IGSF9B: variants seen among roughly 807,000 people sequenced by gnomAD.
IGSF9B encodes protein turtle homolog B.
In IGSF9B, 48 loss-of-function variants were observed where a neutral mutation model predicts 143.7. The observed-to-expected ratio is 0.33, with a 90% CI of 0.26 to 0.42. The LOEUF is 0.42. Ranked by LOEUF, IGSF9B falls within the 20% of genes least tolerant of loss-of-function variation. The probability of loss-of-function intolerance (pLI) is 1.00; values close to 1 mark genes in which losing one functional copy is unlikely to be tolerated. For synonymous variants in IGSF9B, 903 were observed against 833.1 expected, an observed-to-expected ratio of 1.08 and a Z score of -1.44; for missense variants, 1,706 against 1,980.0, an observed-to-expected ratio of 0.86 and a Z score of 2.63.
At chr11:133,924,011 T>G (rs1237056951) in intron 15 of IGSF9B, among the ~76,000 whole-genome samples, 91 of 152,254 alleles carry the variant, frequency 6.0e-4, no homozygotes, top group Non-Finnish European at 1.5e-5. Context: ...AAGCAGAAAT[T>G]GCACTCCACA....
chr11:133,937,323 T>C, intron 5 of IGSF9B, 53 bp downstream of exon 5: 1 of 1,373,402 alleles, frequency 7.3e-7, no homozygotes, highest in East Asian at 2.4e-5. Context: ...TCAGCCGGGC[T>C]GGACATCCCC....
chr11:133,927,264 G>A (rs1361887625), intron 12 of IGSF9B, among the ~76,000 whole-genome samples, 173 bp from the exon 13 acceptor site: 1 of 152,268 alleles, frequency 6.6e-6, no homozygotes, highest in Non-Finnish European at 1.5e-5. Flanking sequence ...AGCTTTGGCT[G>A]TGCCAATCCT....
intron 18 of IGSF9B, among the ~76,000 whole-genome samples, chr11:133,917,529 A>G (rs1939410748): frequency 6.6e-6 from 1 of 152,096 alleles, no homozygotes; most frequent in South Asian, 2.1e-4. Context: ...ACAAGGCTAC[A>G]ACAGGGACCT....
chr11:133,919,132 G>GGGGGT, intron 18 of IGSF9B: 1 of 377,752 alleles, frequency 2.6e-6, no homozygotes, highest in South Asian at 1.8e-5. Flanking sequence ...GGGGGGGTGG[G>GGGGGT]GGACGTGTCC....
At position 133,902,663 on chromosome 11, in the gene IGSF9B, C is replaced by A. The variant is rs1204303743; in HGVS notation, c.*6406G>T. On this transcript the variant is annotated 3_prime_UTR_variant, in exon 20 of 20. Coordinates refer to ENST00000533871, the MANE Select transcript of IGSF9B (RefSeq NM_001277285.4). ...TGGGGGTTAGAGACCAGGGGGACAA[C>A]CTGGTGCCTGCAGAAGGACACATGA... Among the ~76,000 whole-genome samples, 2 of 152,130 alleles carry A rather than the reference C, an allele frequency of 1.3e-5. No homozygotes were observed. Among genetic ancestry groups the A allele is most frequent in the Non-Finnish European group, 2.9e-5 (2 of 68,028 alleles).
chr11:133,936,057 G>C lies in IGSF9B; in HGVS notation c.817C>G (p.Gln273Glu). 1 of 1,613,514 alleles carries C rather than the reference G, an allele frequency of 6.2e-7. No individual in the cohort carries two copies. Among genetic ancestry groups the C allele is most frequent in the East Asian group, 2.2e-5 (1 of 44,860 alleles). The change falls in exon 6 of 20, where the codon CAG (glutamine) becomes GAG (glutamate). Residue 273 changes from glutamine (Q) to glutamate (E), a missense_variant. Physicochemically the swap from Gln to Glu is conservative, Grantham distance 29. Coordinates refer to ENST00000533871, the MANE Select transcript of IGSF9B (RefSeq NM_001277285.4). ...WYWQDENVYF[Q>E]NDLKLRVRIL... ...AAGTCAGAGCAGGGTGCTCACTTCT[G>C]AAAGTAGACGTTCTCGTCCTGCCAG...
intron 1 of IGSF9B, among the ~76,000 whole-genome samples, chr11:133,954,895 A>T (rs1219657820): frequency 6.6e-6 from 1 of 152,232 alleles, no homozygotes; most frequent in Non-Finnish European, 1.5e-5. Flanking sequence ...CCTTCATGCC[A>T]GGCAGCCTTC....
At chr11:133,924,775 G>A in intron 15 of IGSF9B, 45 bp downstream of exon 15, 1 of 1,499,644 alleles carries the variant, frequency 6.7e-7, no homozygotes, top group South Asian at 1.1e-5. Flanking sequence ...GCAGCTCTGG[G>A]GCTTATGTCC....
intron 18 of IGSF9B, among the ~76,000 whole-genome samples, chr11:133,918,230 G>A (rs1370046956): frequency 1.0e-5 from 1 of 96,916 alleles, no homozygotes; most frequent in South Asian, 3.4e-4. Flanking sequence ...GCCCGCCCCC[G>A]CCCGCCCAGC....
chr11:133,947,256 G>T (rs1045090036), intron 1 of IGSF9B, among the ~76,000 whole-genome samples: 2 of 152,182 alleles, frequency 1.3e-5, no homozygotes, highest in African/African-American at 4.8e-5. Flanking sequence ...CTCCTCCCAC[G>T]CCAGGCTCCA....
chr11:133,919,125 G>GGGGGGGGGGGA, intron 18 of IGSF9B: 1 of 345,290 alleles, frequency 2.9e-6, no homozygotes, highest in Non-Finnish European at 5.9e-6. Context: ...ATACGGGGGG[G>GGGGGGGGGGGA]GGGTGGGGGA....
chr11:133,925,527 G>GC (rs1170143212), intron 14 of IGSF9B, among the ~76,000 whole-genome samples: 1 of 152,160 alleles, frequency 6.6e-6, no homozygotes, highest in Non-Finnish European at 1.5e-5. Flanking sequence ...GGTCCCCGCT[G>GC]CCCCAGAGCT....
chr11:133,929,539 T>C, intron 12 of IGSF9B, 132 bp downstream of exon 12: 1 of 646,918 alleles, frequency 1.5e-6, no homozygotes, highest in South Asian at 1.8e-5. Context: ...CCCACCTCAG[T>C]CTGTGCAGGG....
chr11:133,947,572 C>T (rs892459523), intron 1 of IGSF9B, among the ~76,000 whole-genome samples: 9 of 152,222 alleles, frequency 5.9e-5, no homozygotes, highest in Non-Finnish European at 8.8e-5. Context: ...TTCCCCATTC[C>T]GGTGCCTCGG....
chr11:133,920,192 CGGGGCCGGGGCT>C lies in IGSF9B; in HGVS notation c.3521_3532del (p.Gln1174_Pro1177del), dbSNP rs1939494018. 1 of 1,512,662 alleles carries C rather than the reference CGGGGCCGGGGCT, an allele frequency of 6.6e-7. No individual in the cohort carries two copies. Among genetic ancestry groups the C allele is most frequent in the Non-Finnish European group, 8.8e-7 (1 of 1,130,786 alleles). 93.7% of individuals were successfully genotyped at this position (1,512,662 alleles called of 1,614,324 possible). A position where few individuals can be genotyped will look rare whatever the true frequency, so the allele number is the denominator to read the frequency against. On this transcript the variant is annotated inframe_deletion, in exon 18 of 20. Transcript: ENST00000533871. ...GCGCCTGGCCTGCCGAGGGCTAGGC[CGGGGCCGGGGCT>C]GGGGCTCATACCACCGGGTGTCCAG... is the stretch of plus-strand genomic sequence containing the variant.
Position 133,901,872 on chromosome 11 carries a change from C to A in IGSF9B, c.*7197G>T, listed in dbSNP as rs4937852. 6.9e-6 allele frequency among the ~76,000 whole-genome samples: 1 copy of A among 144,440 alleles called. No individual in the cohort carries two copies. Among genetic ancestry groups the A allele is most frequent in the East Asian group, 2.1e-4 (1 of 4,758 alleles). The allele number at this position is 144,440 out of a possible 152,430, so 94.8% of individuals were successfully genotyped here. A position where few individuals can be genotyped will look rare whatever the true frequency, so the allele number is the denominator to read the frequency against. On this transcript the variant is annotated 3_prime_UTR_variant, in exon 20 of 20. Coordinates refer to ENST00000533871, the MANE Select transcript of IGSF9B (RefSeq NM_001277285.4). ...ACACGCACCACACACGCACCACACACGCACCACACACACACACAACACACA... is the reference window on the plus strand; with the variant it reads ...ACACGCACCACACACGCACCACACAAGCACCACACACACACACAACACACA...
At chr11:133,916,747 G>A (rs1447239847) in intron 18 of IGSF9B, among the ~76,000 whole-genome samples, 1 of 152,210 alleles carries the variant, frequency 6.6e-6, no homozygotes, top group Admixed American at 6.5e-5. Flanking sequence ...TGAGAGCAGA[G>A]TCTAGGAATT....
chr11:133,922,736 G>T lies in IGSF9B; in HGVS notation c.2120-6C>A. The T allele has an allele frequency of 6.4e-7, 1 of 1,553,798 alleles. No individual in the cohort carries two copies. On this transcript the variant is annotated splice_region_variant and splice_polypyrimidine_tract_variant and intron_variant, in intron 15 of 19. Transcript: ENST00000533871. ...GTCCGGCTGCGGGAAGATGTCTGCA[G>T]GGAGGGTGGGGAGCACTCATGAGCC...
rs1939664439 is a variant in IGSF9B at position 133,928,264 on chromosome 11, C to CG, written c.1632-1174dup. Among the ~76,000 whole-genome samples the CG allele has an allele frequency of 6.6e-6, 1 of 152,144 alleles. No individual in the cohort carries two copies. Among genetic ancestry groups the CG allele is most frequent in the African/African-American group, 2.4e-5 (1 of 41,430 alleles). ...GCAGCACCGGTCTCCCAGCAGCCAC[C>CG]GGGCAGGCTGGTTAGGGCCCCCACG... On this transcript the variant is annotated intron_variant, in intron 12 of 19. Coordinates refer to ENST00000533871, the MANE Select transcript of IGSF9B (RefSeq NM_001277285.4). The surrounding 1 kb of genome is among the most constrained non-coding windows in gnomAD (Gnocchi z 4.7).
Sources: gnomAD v4.1 joint callset for allele counts (sites outside exome capture counted in the v4.1 genomes callset) on GRCh38, gnomAD v4.1.1 for gene constraint, Gnocchi (gnomAD v3.1) non-coding constraint, MANE v1.5 for transcripts, NCBI Gene and HGNC (gene_info 2026-07-23, HGNC 2026-07-21) for gene names.